Variants in CCDC126 observed in about 807,000 individuals in gnomAD.
The protein encoded by CCDC126 is coiled-coil domain-containing protein 126.
Under a neutral mutation model 11.7 loss-of-function variants are expected in CCDC126, and 5 were observed. That is an observed-to-expected ratio of 0.43 (90% CI 0.22 to 0.90). CCDC126 has a LOEUF of 0.90. Ranked by LOEUF, CCDC126 falls within the 40% of genes least tolerant of loss-of-function variation. The pLI is 0.27. For missense variants in CCDC126, 150 were observed against 163.1 expected, an observed-to-expected ratio of 0.92 and a Z score of 0.44; for synonymous variants, 60 against 61.9, an observed-to-expected ratio of 0.97 and a Z score of 0.14.
chr7:23,609,118 C>T (rs1365318905), intron 2 of CCDC126, among the ~76,000 whole-genome samples: 1 of 152,056 alleles, frequency 6.6e-6, no homozygotes, highest in Non-Finnish European at 1.5e-5. Context: ...GGTATTACCT[C>T]CAGGAACAAT....
At chr7:23,641,028 G>A (rs1783347330) in intron 3 of CCDC126, among the ~76,000 whole-genome samples, 1 of 133,856 alleles carries the variant, frequency 7.5e-6, no homozygotes, top group Non-Finnish European at 1.6e-5. Flanking sequence ...TATATACCTA[G>A]GAGTGGAATT....
intron 2 of CCDC126, among the ~76,000 whole-genome samples, chr7:23,608,735 T>A (rs1184131590): frequency 6.6e-6 from 1 of 152,202 alleles, no homozygotes; most frequent in Non-Finnish European, 1.5e-5. Context: ...CCTTGCCCGA[T>A]GCCTAGACAG....
chr7:23,600,761 G>C (rs563346928), intron 2 of CCDC126, among the ~76,000 whole-genome samples: 2 of 152,240 alleles, frequency 1.3e-5, no homozygotes, highest in South Asian at 4.1e-4. Context: ...AGATTTTAAG[G>C]TATGATTAGC....
intron 3 of CCDC126, among the ~76,000 whole-genome samples, chr7:23,631,533 G>A (rs867569326): frequency 2.6e-5 from 4 of 152,114 alleles, no homozygotes; most frequent in Admixed American, 6.5e-5. Context: ...TTGGGAGGCC[G>A]AGGTGGATCA....
intron 3 of CCDC126, among the ~76,000 whole-genome samples, chr7:23,628,770 A>G (rs1485817910): frequency 3.3e-5 from 5 of 152,308 alleles, no homozygotes; most frequent in Middle Eastern, 3.4e-3. Flanking sequence ...CTCTGGTGTG[A>G]TGTCAGGGGA....
At chr7:23,598,682 A>G (rs149458063) in intron 2 of CCDC126, among the ~76,000 whole-genome samples, 3 of 152,356 alleles carry the variant, frequency 2.0e-5, no homozygotes, top group African/African-American at 4.8e-5. Flanking sequence ...ATCTGTCTGC[A>G]TCTTCTCACT....
At chr7:23,604,494 A>G (rs1163867726) in intron 2 of CCDC126, among the ~76,000 whole-genome samples, 1 of 152,158 alleles carries the variant, frequency 6.6e-6, no homozygotes, top group African/African-American at 2.4e-5. Flanking sequence ...GTATTACCTA[A>G]TGTTACTCAG....
chr7:23,637,924 G>T (rs1783267523), intron 3 of CCDC126, among the ~76,000 whole-genome samples: 1 of 121,324 alleles, frequency 8.2e-6, no homozygotes, highest in African/African-American at 2.9e-5. Flanking sequence ...GGGAAGTGAG[G>T]ACCCCTCTGC....
intron 2 of CCDC126, among the ~76,000 whole-genome samples, chr7:23,608,691 T>C (rs1782658025): frequency 6.6e-6 from 1 of 152,166 alleles, no homozygotes; most frequent in African/African-American, 2.4e-5. Flanking sequence ...GCCCATCCTG[T>C]TAGAACTGCC....
At chr7:23,617,819 A>G (rs1224530566) in intron 3 of CCDC126, among the ~76,000 whole-genome samples, 2 of 152,192 alleles carry the variant, frequency 1.3e-5, no homozygotes, top group Admixed American at 1.3e-4. Context: ...ACTGTGCGTC[A>G]CTTTTGATAT....
At chr7:23,612,657 AGT>A (rs911161041) in intron 3 of CCDC126, among the ~76,000 whole-genome samples, 3 of 152,052 alleles carry the variant, frequency 2.0e-5, no homozygotes, top group African/African-American at 7.2e-5. Flanking sequence ...TAGGCAAGAG[AGT>A]GAGACCTCAT....
intron 3 of CCDC126, among the ~76,000 whole-genome samples, chr7:23,640,093 G>A (rs1347556952): frequency 6.6e-6 from 1 of 152,062 alleles, no homozygotes; most frequent in Non-Finnish European, 1.5e-5. Flanking sequence ...TGAGGCAGGA[G>A]AATCGCTTGA....
chr7:23,625,213 T>G (rs1349688587), intron 3 of CCDC126, among the ~76,000 whole-genome samples: 1 of 152,218 alleles, frequency 6.6e-6, no homozygotes, highest in Admixed American at 6.5e-5. Flanking sequence ...TGAACTTTTT[T>G]TGTGTGTTTT....
intron 3 of CCDC126, among the ~76,000 whole-genome samples, chr7:23,618,852 G>A (rs1161668058): frequency 6.6e-6 from 1 of 151,978 alleles, no homozygotes; most frequent in African/African-American, 2.4e-5. Context: ...ACCGCGCTTG[G>A]CCTAAATTTT....
At chr7:23,618,203 T>G (rs1306016503) in intron 3 of CCDC126, among the ~76,000 whole-genome samples, 1 of 152,222 alleles carries the variant, frequency 6.6e-6, no homozygotes, top group Non-Finnish European at 1.5e-5. Flanking sequence ...AATGTACAGT[T>G]GTATTGGGGT....
At chr7:23,598,456 A>C (rs1213899795) in intron 2 of CCDC126, 3 of 152,252 alleles carry the variant, frequency 2.0e-5, no homozygotes. Flanking sequence ...TTGCTGTTTT[A>C]AGATGGCTGA....
chr7:23,637,517 C>T (rs1320672968), intron 3 of CCDC126, among the ~76,000 whole-genome samples: 184 of 60,636 alleles, frequency 3.0e-3, no homozygotes, highest in Admixed American at 4.1e-3. Context: ...CCGCCCCGTC[C>T]GGGAGGGAGG....
At chr7:23,605,990 TTGTGTG>T (rs550719957) in intron 2 of CCDC126, among the ~76,000 whole-genome samples, 12 of 150,694 alleles carry the variant, frequency 8.0e-5, no homozygotes, top group African/African-American at 2.9e-4. Context: ...CTGTTTTTTT[TTGTGTG>T]TGTGTGTGTG....
intron 2 of CCDC126, among the ~76,000 whole-genome samples, chr7:23,610,611 C>G (rs1305531074): frequency 6.6e-6 from 1 of 152,110 alleles, no homozygotes; most frequent in African/African-American, 2.4e-5. Context: ...TATTTTTTAT[C>G]TTAGATTGCA....
Sources: gnomAD v4.1 joint callset for allele counts (sites outside exome capture counted in the v4.1 genomes callset) on GRCh38, gnomAD v4.1.1 for gene constraint, MANE v1.5 for transcripts, NCBI Gene and HGNC (gene_info 2026-07-23, HGNC 2026-07-21) for gene names.